The following PHTF2 variants were observed in gnomAD, a reference collection of about 807,000 sequenced individuals.
The protein encoded by PHTF2 is protein PHTF2.
Under a neutral mutation model 101.2 loss-of-function variants are expected in PHTF2, and 60 were observed. The observed-to-expected ratio is 0.59, with a 90% CI of 0.48 to 0.73. PHTF2 has a LOEUF of 0.73. Among genes scored for constraint, PHTF2 ranks in the 30% least tolerant of loss-of-function variants. PHTF2 has a pLI of 0.00. For missense variants in PHTF2, 747 were observed against 908.7 expected (o/e 0.82, Z 2.29); for synonymous variants, 311 against 307.3 (o/e 1.01, Z -0.13).
In PHTF2 at chr7:77,910,419, T is replaced by C; in HGVS notation, c.776+10T>C. The C allele has an allele frequency of 6.2e-7, 1 of 1,606,586 alleles. No individual in the cohort carries two copies. The highest frequency in any genetic ancestry group is 8.5e-7 in the Non-Finnish European group (1 of 1,175,066). On this transcript the variant is annotated intron_variant, in intron 9 of 19. Coordinates refer to ENST00000416283, the Ensembl canonical transcript of PHTF2. ...CTTTCTTTTTATCAGGGTTTGTATT[T>C]ATTTAAGGTTTTATATGGCATAGAG... is the stretch of plus-strand genomic sequence containing the variant.
chr7:77,905,885 G>A (rs1166843205), intron 7 of PHTF2, among the ~76,000 whole-genome samples: 1 of 152,168 alleles, frequency 6.6e-6, no homozygotes, highest in Admixed American at 6.5e-5. Context: ...TTGATCTCCA[G>A]CAGAAATCTC....
intron 2 of PHTF2, among the ~76,000 whole-genome samples, chr7:77,843,689 A>G (rs1349343496): frequency 6.6e-6 from 1 of 152,158 alleles, no homozygotes; most frequent in East Asian, 1.9e-4. Flanking sequence ...CTCAATTTCC[A>G]CTTTTCTACA....
chr7:77,944,829 A>G (rs548008197), intron 16 of PHTF2, among the ~76,000 whole-genome samples: 1 of 152,352 alleles, frequency 6.6e-6, no homozygotes, highest in South Asian at 2.1e-4. Flanking sequence ...AAATACAGTT[A>G]TTGACTTTTG....
chr7:77,850,830 G>T (rs1426257182), intron 2 of PHTF2, among the ~76,000 whole-genome samples: 1 of 152,002 alleles, frequency 6.6e-6, no homozygotes, highest in African/African-American at 2.4e-5. Flanking sequence ...GTTGAGGTAT[G>T]TTCCTTCTAT....
chr7:77,803,206 A>G (rs191832455), intron 1 of PHTF2, among the ~76,000 whole-genome samples: 150 of 152,266 alleles, frequency 9.9e-4, no homozygotes, highest in African/African-American at 3.4e-3. Flanking sequence ...ACTACCTGAT[A>G]ATAATCATAA....
intron 2 of PHTF2, among the ~76,000 whole-genome samples, chr7:77,845,044 G>A (rs1158376253): frequency 2.6e-5 from 4 of 152,176 alleles, no homozygotes; most frequent in Non-Finnish European, 4.4e-5. Flanking sequence ...TTAATAATGA[G>A]CTGTTGAATG....
exon 20 of PHTF2, chr7:77,955,621 GT>G (rs1477906680): frequency 1.3e-5 from 2 of 152,496 alleles, no homozygotes; most frequent in East Asian, 3.9e-4. Context: ...CTTTTAATGC[GT>G]ATCTTTATAT....
intron 9 of PHTF2, among the ~76,000 whole-genome samples, chr7:77,917,431 G>T (rs1401051501): frequency 6.6e-6 from 1 of 152,184 alleles, no homozygotes; most frequent in Admixed American, 6.5e-5. Context: ...GCTAGAAAAT[G>T]TGTATTTGGT....
chr7:77,879,525 T>C (rs1799233025), intron 3 of PHTF2, among the ~76,000 whole-genome samples: 1 of 152,182 alleles, frequency 6.6e-6, no homozygotes, highest in Non-Finnish European at 1.5e-5. Context: ...AGTTGAATTA[T>C]TTCCACAACC....
At chr7:77,944,716 G>C (rs1805903687) in intron 16 of PHTF2, among the ~76,000 whole-genome samples, 1 of 152,202 alleles carries the variant, frequency 6.6e-6, no homozygotes, top group South Asian at 2.1e-4. Flanking sequence ...AGCTATTTCA[G>C]TTTGATCAGG....
chr7:77,888,388 T>A (rs1251949285), intron 3 of PHTF2, among the ~76,000 whole-genome samples: 1 of 152,216 alleles, frequency 6.6e-6, no homozygotes. Flanking sequence ...AGTGCTGGGA[T>A]TACGGGCATG....
chr7:77,821,629 A>G (rs993330933), intron 1 of PHTF2, among the ~76,000 whole-genome samples: 6 of 151,996 alleles, frequency 3.9e-5, no homozygotes, highest in Admixed American at 3.9e-4. Flanking sequence ...GGTGTGGGAC[A>G]TGCCCCACAT....
intron 16 of PHTF2, among the ~76,000 whole-genome samples, chr7:77,944,146 A>G (rs1363253694): frequency 6.6e-6 from 1 of 152,270 alleles, no homozygotes; most frequent in Non-Finnish European, 1.5e-5. Flanking sequence ...AGCATTTAAG[A>G]ATAAGCATTA....
At chr7:77,830,573 C>T (rs543324629) in intron 1 of PHTF2, among the ~76,000 whole-genome samples, 28 of 151,844 alleles carry the variant, frequency 1.8e-4, no homozygotes, top group African/African-American at 4.6e-4. Context: ...TGAGAGATCT[C>T]GGTTGCATGC....
chr7:77,934,035 G>T (rs1432038981), intron 12 of PHTF2, among the ~76,000 whole-genome samples: 4 of 151,992 alleles, frequency 2.6e-5, no homozygotes, highest in African/African-American at 9.7e-5. Context: ...TAATTCTCAG[G>T]TTTCAAAAAA....
chr7:77,889,188 T>C (rs909936634), intron 3 of PHTF2, among the ~76,000 whole-genome samples: 7 of 152,202 alleles, frequency 4.6e-5, no homozygotes, highest in Non-Finnish European at 1.0e-4. Flanking sequence ...AGTAGAATTA[T>C]GTTTCATTCA....
At chr7:77,866,184 CAAAAAA>C (rs35744441) in intron 3 of PHTF2, among the ~76,000 whole-genome samples, 3 of 82,418 alleles carry the variant, frequency 3.6e-5, no homozygotes, top group East Asian at 3.8e-4. Flanking sequence ...ACTACCTCTC[CAAAAAA>C]AAAAAAAAAA....
chr7:77,902,498 A>G (rs1332728876), intron 7 of PHTF2, among the ~76,000 whole-genome samples: 8 of 152,200 alleles, frequency 5.3e-5, no homozygotes, highest in Admixed American at 5.2e-4. Context: ...CCCAGATTCA[A>G]TTCTAAGCAT....
At chr7:77,853,866 C>G (rs1414563200) in intron 2 of PHTF2, among the ~76,000 whole-genome samples, 1 of 152,054 alleles carries the variant, frequency 6.6e-6, no homozygotes, top group Non-Finnish European at 1.5e-5. Context: ...TTTCATTGAG[C>G]TTCCTCAAAA....
Sources: gnomAD v4.1 joint callset for allele counts (sites outside exome capture counted in the v4.1 genomes callset) on GRCh38, gnomAD v4.1.1 for gene constraint, MANE v1.5 for transcripts, NCBI Gene and HGNC (gene_info 2026-07-23, HGNC 2026-07-21) for gene names.